The following SERGEF variants were observed in gnomAD, a reference collection of about 807,000 sequenced individuals.
SERGEF encodes secretion regulating guanine nucleotide exchange factor.
In SERGEF, 51 loss-of-function variants were observed where a neutral mutation model predicts 50.0. The observed-to-expected ratio is 1.02, with a 90% CI of 0.81 to 1.29. The LOEUF is 1.29. Among genes scored for constraint, SERGEF ranks in the 50% most tolerant of loss-of-function variants. The pLI is 0.00. For missense variants in SERGEF, 521 were observed against 557.0 expected (o/e 0.94, Z 0.65); for synonymous variants, 205 against 212.4 (o/e 0.97, Z 0.30).
chr11:17,890,851 C>T (rs955538449), intron 9 of SERGEF, among the ~76,000 whole-genome samples: 3 of 152,092 alleles, frequency 2.0e-5, no homozygotes, highest in Admixed American at 6.5e-5. Context: ...AAAAAAAGTG[C>T]TCAAAAAATG....
At chr11:18,006,829 T>C in intron 2 of SERGEF, 83 bp from the exon 3 acceptor site, 1 of 1,502,028 alleles carries the variant, frequency 6.7e-7, no homozygotes, top group Non-Finnish European at 9.2e-7. Flanking sequence ...CACTAATTAT[T>C]TGGACTCTCA....
At chr11:18,011,759 C>T (rs1854201504) in intron 1 of SERGEF, among the ~76,000 whole-genome samples, 1 of 152,062 alleles carries the variant, frequency 6.6e-6, no homozygotes, top group South Asian at 2.1e-4. Flanking sequence ...CGCCAGTCTC[C>T]TGCCTGGAAA....
intron 10 of SERGEF, among the ~76,000 whole-genome samples, chr11:17,874,045 T>G (rs1310759390): frequency 6.6e-6 from 1 of 152,206 alleles, no homozygotes; most frequent in South Asian, 2.1e-4. Flanking sequence ...GATGGCCACA[T>G]GCCCTCAGTT....
chr11:17,866,437 T>C (rs1455519409), intron 10 of SERGEF, among the ~76,000 whole-genome samples: 4 of 152,210 alleles, frequency 2.6e-5, no homozygotes, highest in Non-Finnish European at 5.9e-5. Flanking sequence ...GGCTATACCA[T>C]CTAGGTTTGT....
At chr11:17,995,395 C>T (rs925330998) in intron 6 of SERGEF, among the ~76,000 whole-genome samples, 3 of 152,142 alleles carry the variant, frequency 2.0e-5, no homozygotes, top group Admixed American at 6.5e-5. Context: ...CTTGGTCAGG[C>T]GTTAAGTTTA....
chr11:17,800,422 G>A (rs1753042890), intron 10 of SERGEF, among the ~76,000 whole-genome samples: 1 of 152,136 alleles, frequency 6.6e-6, no homozygotes, highest in African/African-American at 2.4e-5. Flanking sequence ...TAGTTTTGCT[G>A]CCCTAAAAAT....
At chr11:17,925,604 G>C (rs541344469) in intron 9 of SERGEF, among the ~76,000 whole-genome samples, 40 of 152,248 alleles carry the variant, frequency 2.6e-4, no homozygotes, top group Middle Eastern at 3.4e-3. Flanking sequence ...AGCTGTTCCA[G>C]ACCCTAGTGT....
intron 9 of SERGEF, among the ~76,000 whole-genome samples, chr11:17,881,770 G>C (rs1026274647): frequency 6.6e-6 from 1 of 152,106 alleles, no homozygotes; most frequent in Non-Finnish European, 1.5e-5. Flanking sequence ...TTACAGACTC[G>C]CTAGAGGACA....
At chr11:17,825,221 A>G (rs1212225560) in intron 10 of SERGEF, among the ~76,000 whole-genome samples, 1 of 152,222 alleles carries the variant, frequency 6.6e-6, no homozygotes, top group East Asian at 1.9e-4. Context: ...CTAGGGGCTT[A>G]TAGTTTTTAT....
rs375022054 is a variant in SERGEF, at chr11:17,981,480, T to G, written c.844+7117A>C. On this transcript the variant is annotated intron_variant, in intron 8 of 10. Transcript: ENST00000265965. ...TGGGGACAAAAGATGGGATTCAAGT[T>G]TTAGCTCTGCCCTTCTGTGTGAAAC... 2.0e-5 allele frequency among the ~76,000 whole-genome samples: 3 copies of G among 152,174 alleles called. No individual in the cohort carries two copies. The East Asian group carries it at 5.8e-4, about 29-fold the overall frequency.
intron 10 of SERGEF, among the ~76,000 whole-genome samples, chr11:17,808,418 C>A (rs1243908888): frequency 6.6e-6 from 1 of 152,076 alleles, no homozygotes; most frequent in Non-Finnish European, 1.5e-5. Context: ...AAAGAGCGAG[C>A]AGGGGGAAGT....
intron 9 of SERGEF, 141 bp from the exon 10 acceptor site, chr11:17,878,385 A>T (rs1028285509): frequency 1.8e-5 from 11 of 622,918 alleles, no homozygotes; most frequent in Non-Finnish European, 2.0e-5. Flanking sequence ...CACATACAAA[A>T]GTTAAGATTA....
intron 9 of SERGEF, among the ~76,000 whole-genome samples, chr11:17,898,562 C>T (rs528664914): frequency 2.0e-4 from 31 of 152,272 alleles, no homozygotes; most frequent in Admixed American, 3.9e-4. Flanking sequence ...CACTTGCCCC[C>T]TTGTCCACTG....
chr11:17,952,705 C>T (rs916201400), intron 9 of SERGEF, among the ~76,000 whole-genome samples: 10 of 152,186 alleles, frequency 6.6e-5, no homozygotes, highest in Non-Finnish European at 1.5e-4. Context: ...ACACCCACAG[C>T]CTCTATTTCT....
intron 10 of SERGEF, among the ~76,000 whole-genome samples, chr11:17,849,131 T>G (rs1179721683): frequency 6.6e-6 from 1 of 152,232 alleles, no homozygotes; most frequent in African/African-American, 2.4e-5. Context: ...TGTGTTTACA[T>G]GCACATGTGA....
At chr11:17,932,328 G>T (rs1852371158) in intron 9 of SERGEF, among the ~76,000 whole-genome samples, 1 of 152,132 alleles carries the variant, frequency 6.6e-6, no homozygotes, top group African/African-American at 2.4e-5. Flanking sequence ...ACTTCAAAGG[G>T]TGTTCCCACA....
chr11:17,926,977 A>G (rs1328638317), intron 9 of SERGEF: 1 of 382,702 alleles, frequency 2.6e-6, no homozygotes, highest in Non-Finnish European at 5.3e-6. Flanking sequence ...TAAACCAACC[A>G]TCGCCTGTCA....
chr11:17,987,145 C>A (rs1853617416), intron 8 of SERGEF, among the ~76,000 whole-genome samples: 1 of 152,166 alleles, frequency 6.6e-6, no homozygotes, highest in Non-Finnish European at 1.5e-5. Context: ...TGGTTGGACA[C>A]CAGAATCCAA....
intron 10 of SERGEF, among the ~76,000 whole-genome samples, chr11:17,805,682 A>G (rs547735780): frequency 6.6e-6 from 1 of 152,264 alleles, no homozygotes; most frequent in East Asian, 1.9e-4. Context: ...AGAACTACAG[A>G]CCCTAAAAGC....
Sources: gnomAD v4.1 joint callset for allele counts (sites outside exome capture counted in the v4.1 genomes callset) on GRCh38, gnomAD v4.1.1 for gene constraint, MANE v1.5 for transcripts, NCBI Gene and HGNC (gene_info 2026-07-23, HGNC 2026-07-21) for gene names.